Variants in BNC2 observed in about 807,000 individuals in gnomAD.
The protein encoded by BNC2 is basonuclin zinc finger protein 2, also known as zinc finger protein basonuclin-2.
A neutral mutation model predicts 76.3 loss-of-function variants in BNC2; 20 were observed. That is an observed-to-expected ratio of 0.26 (90% CI 0.18 to 0.38). The LOEUF is 0.38. Among genes scored for constraint, BNC2 ranks in the 10% least tolerant of loss-of-function variants. The pLI, the probability that BNC2 is intolerant of heterozygous loss-of-function variation, is 1.00. For missense variants in BNC2, 1,382 were observed against 1,399.8 expected, an observed-to-expected ratio of 0.99 and a Z score of 0.20; for synonymous variants, 582 against 514.8, an observed-to-expected ratio of 1.13 and a Z score of -1.77.
At chr9:16,614,127 T>C (rs1770494846) in intron 3 of BNC2, among the ~76,000 whole-genome samples, 1 of 152,224 alleles carries the variant, frequency 6.6e-6, no homozygotes. Context: ...CGCTTGGGAT[T>C]GAAACCCAAA....
intron 4 of BNC2, among the ~76,000 whole-genome samples, chr9:16,563,075 A>T (rs1819060189): frequency 6.6e-6 from 1 of 152,214 alleles, no homozygotes; most frequent in South Asian, 2.1e-4. Flanking sequence ...ATAAAAATTA[A>T]GTCAAATTTG....
chr9:16,485,741 C>T lies in BNC2; in HGVS notation c.670-48217G>A, dbSNP rs570203603. 2.7e-4 allele frequency among the ~76,000 whole-genome samples: 41 copies of T among 152,074 alleles called. 2 individuals are homozygous for T. Among genetic ancestry groups the T allele is most frequent in the African/African-American group, 9.4e-4 (39 of 41,460 alleles). On this transcript the variant is annotated intron_variant, in intron 5 of 6. Coordinates refer to ENST00000380672, the MANE Select transcript of BNC2 (RefSeq NM_017637.6). ...GGAGGACTGCTTGAGCCCACGAGGG[C>T]GAGACTGTAGTGAGCTGTTACCACA...
intron 1 of BNC2, among the ~76,000 whole-genome samples, chr9:16,812,738 T>C (rs1389722834): frequency 6.6e-6 from 1 of 152,188 alleles, no homozygotes; most frequent in Non-Finnish European, 1.5e-5. Flanking sequence ...AACATTCCAG[T>C]TGGATTCATT....
At position 16,727,946 on chromosome 9, in the gene BNC2, C is replaced by G. The variant is rs200847406; in HGVS notation, c.181G>C (p.Glu61Gln). 11 of 1,614,094 alleles carry G rather than the reference C, an allele frequency of 6.8e-6. No homozygotes were observed. The East Asian group carries it at 2.5e-4, about 36-fold the overall frequency. The change falls in exon 3 of 7, where the codon GAG (glutamate) becomes CAG (glutamine). Residue 61 changes from glutamate to glutamine, a missense_variant. By Grantham distance (29) the Glu-to-Gln change is conservative. Transcript: ENST00000380672. ...VRERETQRDR[E>Q]PKRARDLTLR... ...GTCAAGTCTCTTGCCCTCTTTGGCT[C>G]TCTGTCTCTCTGTGTCTCTCTTTCT...
intron 5 of BNC2, among the ~76,000 whole-genome samples, chr9:16,513,499 G>A (rs371307618): frequency 1.3e-5 from 2 of 151,788 alleles, no homozygotes; most frequent in Non-Finnish European, 2.9e-5. Flanking sequence ...GTGGAGACGG[G>A]TTTCACCATA....
intron 5 of BNC2, among the ~76,000 whole-genome samples, chr9:16,519,998 A>T (rs1817564952): frequency 6.6e-6 from 1 of 152,298 alleles, no homozygotes; most frequent in East Asian, 1.9e-4. Context: ...CCAAGGACCA[A>T]ATCAAATTAT....
chr9:16,498,019 A>G (rs372172493), intron 5 of BNC2, among the ~76,000 whole-genome samples: 838 of 69,268 alleles, frequency 0.012, 7 homozygotes, highest in African/African-American at 0.024. Flanking sequence ...GTGTGTGTGT[A>G]TGTATTCCAC....
At chr9:16,715,656 G>A (rs936779762) in intron 3 of BNC2, among the ~76,000 whole-genome samples, 1 of 152,176 alleles carries the variant, frequency 6.6e-6, no homozygotes, top group Non-Finnish European at 1.5e-5. Context: ...CTGGCAAACT[G>A]GGCGTGCATT....
At chr9:16,748,607 C>T (rs1825080227) in intron 1 of BNC2, among the ~76,000 whole-genome samples, 1 of 151,916 alleles carries the variant, frequency 6.6e-6, no homozygotes, top group African/African-American at 2.4e-5. Context: ...CTGTGGGAGG[C>T]CAAGGTGGGT....
chr9:16,762,508 A>T (rs993438589), intron 1 of BNC2, among the ~76,000 whole-genome samples: 1 of 152,252 alleles, frequency 6.6e-6, no homozygotes, highest in African/African-American at 2.4e-5. Context: ...ATCAGTATCC[A>T]GAGAGGCACA....
intron 1 of BNC2, among the ~76,000 whole-genome samples, chr9:16,795,915 T>C (rs952826763): frequency 6.6e-6 from 1 of 152,102 alleles, no homozygotes; most frequent in Non-Finnish European, 1.5e-5. Flanking sequence ...AGAGCTAACA[T>C]TTACTAAGCA....
Position 16,411,104 on chromosome 9 carries a change from T to C in BNC2, c.*7885A>G, listed in dbSNP as rs1463170245. On this transcript the variant is annotated 3_prime_UTR_variant, in exon 7 of 7. Coordinates refer to ENST00000380672, the MANE Select transcript of BNC2 (RefSeq NM_017637.6). Reference sequence around the variant, plus strand: ...GGGACTGGCGCTTTCTCCCTCTCTTTTGAAAAACATATCCAGGGCCAGATG... The same window carrying C: ...GGGACTGGCGCTTTCTCCCTCTCTTCTGAAAAACATATCCAGGGCCAGATG... 1 of 152,236 alleles carries C rather than the reference T, an allele frequency of 6.6e-6. No individual in the cohort carries two copies. Among genetic ancestry groups the C allele is most frequent in the Non-Finnish European group, 1.5e-5 (1 of 68,022 alleles). The allele number at this position is 152,236 out of a possible 1,614,324, so 9.4% of individuals were successfully genotyped here.
chr9:16,754,474 T>C (rs776661177), intron 1 of BNC2, among the ~76,000 whole-genome samples: 1 of 152,248 alleles, frequency 6.6e-6, no homozygotes, highest in Non-Finnish European at 1.5e-5. Flanking sequence ...CTAAATGTTC[T>C]TGTAAATACA....
chr9:16,679,642 G>A (rs1261068132), intron 3 of BNC2, among the ~76,000 whole-genome samples: 1 of 152,174 alleles, frequency 6.6e-6, no homozygotes, highest in African/African-American at 2.4e-5. Flanking sequence ...CTGGTGACAA[G>A]TTGTCCTCTG....
chr9:16,715,911 C>T (rs1823984705), intron 3 of BNC2, among the ~76,000 whole-genome samples: 1 of 152,154 alleles, frequency 6.6e-6, no homozygotes, highest in Non-Finnish European at 1.5e-5. Flanking sequence ...CACAAGTTTA[C>T]AGAATATAAG....
At chr9:16,469,902 T>C (rs1050419697) in intron 5 of BNC2, among the ~76,000 whole-genome samples, 3 of 152,092 alleles carry the variant, frequency 2.0e-5, no homozygotes, top group African/African-American at 7.2e-5. Flanking sequence ...CTGTGGAACT[T>C]TGAACTTGAG....
chr9:16,560,900 C>T (rs1818992067), intron 4 of BNC2, among the ~76,000 whole-genome samples: 1 of 152,148 alleles, frequency 6.6e-6, no homozygotes. Context: ...AGAGCCAGAA[C>T]CAACCAACGC....
At chr9:16,727,533 G>A in intron 3 of BNC2, 1 of 486,868 alleles carries the variant, frequency 2.1e-6, no homozygotes, top group Non-Finnish European at 3.6e-6. Flanking sequence ...GACCCAGATT[G>A]TACTGTGAAA....
rs145262595 is a variant in BNC2 at position 16,842,779 on chromosome 9, G to A, written c.3+27867C>T. 6.5e-3 allele frequency among the ~76,000 whole-genome samples: 993 copies of A among 151,716 alleles called. 10 individuals are homozygous for A. Among genetic ancestry groups the A allele is most frequent in the African/African-American group, 0.023 (948 of 41,346 alleles). On this transcript the variant is annotated intron_variant, in intron 1 of 6. Transcript: ENST00000380672. ...TTGTTTTGTTTTACTTTGTTTTTTGGAGTCTCCTTCACTCTGTGCAGTCTT... is the reference window on the plus strand; with the variant it reads ...TTGTTTTGTTTTACTTTGTTTTTTGAAGTCTCCTTCACTCTGTGCAGTCTT...
Sources: allele counts gnomAD v4.1 joint callset (sites outside exome capture counted in the v4.1 genomes callset), GRCh38; gene constraint gnomAD v4.1.1; transcripts MANE v1.5; gene names NCBI Gene and HGNC (gene_info 2026-07-23, HGNC 2026-07-21).